The following CARD8 variants were observed in gnomAD, a reference collection of about 807,000 sequenced individuals.
The protein encoded by CARD8 is caspase recruitment domain-containing protein 8.
Under a neutral mutation model 53.2 loss-of-function variants are expected in CARD8, and 38 were observed. The ratio of observed to expected loss-of-function variants is 0.71; its 90% CI spans 0.55 to 0.94. CARD8 has a LOEUF of 0.94. CARD8 is among the 40% of genes least tolerant of loss of function. CARD8 has a pLI of 0.00. For missense variants in CARD8, 561 were observed against 655.5 expected, an observed-to-expected ratio of 0.86 and a Z score of 1.57; for synonymous variants, 245 against 244.9, an observed-to-expected ratio of 1.00 and a Z score of 0.00.
rs1023865382 is a variant in CARD8, at chr19:48,224,287, A to G, written c.1036-2432T>C. ...TTCATAGCAGCCACATTTTTTAAAAACAGCAAAGAGAGGCAGATGAAATGG... is the reference window on the plus strand; with the variant it reads ...TTCATAGCAGCCACATTTTTTAAAAGCAGCAAAGAGAGGCAGATGAAATGG... On this transcript the variant is annotated intron_variant, in intron 10 of 13. Transcript: ENST00000651546. Among the ~76,000 whole-genome samples, 3 of 152,140 alleles carry G rather than the reference A, an allele frequency of 2.0e-5. No homozygotes were observed. In the South Asian group the frequency reaches 6.2e-4, roughly 32 times the overall value.
intron 3 of CARD8, among the ~76,000 whole-genome samples, chr19:48,244,883 A>G (rs1160790070): frequency 1.4e-5 from 2 of 138,018 alleles, no homozygotes; most frequent in Non-Finnish European, 2.9e-5. Context: ...TCTTGGGGGG[A>G]AAAAAACTCC....
At chr19:48,216,799 T>C (rs2039399386) in intron 12 of CARD8, among the ~76,000 whole-genome samples, 1 of 152,194 alleles carries the variant, frequency 6.6e-6, no homozygotes, top group Non-Finnish European at 1.5e-5. Context: ...GACAATTTTT[T>C]CCACGGACTG....
chr19:48,232,850 G>C (rs1051017036), intron 6 of CARD8: 5 of 466,224 alleles, frequency 1.1e-5, no homozygotes, highest in Non-Finnish European at 2.1e-5. Context: ...ATAAATAATA[G>C]AGATAACACA....
chr19:48,238,158 T>G, intron 5 of CARD8: 31 of 649,550 alleles, frequency 4.8e-5, no homozygotes, highest in Non-Finnish European at 7.0e-5. Context: ...CCCAGTGTGC[T>G]GAGATTACAG....
intron 12 of CARD8, 145 bp from the exon 13 acceptor site, chr19:48,215,529 G>A: frequency 3.4e-6 from 2 of 585,536 alleles, no homozygotes; most frequent in Non-Finnish European, 3.1e-6. Flanking sequence ...ATACACTGAG[G>A]AAACCCCATT....
intron 5 of CARD8, among the ~76,000 whole-genome samples, chr19:48,235,105 A>G (rs1198479698): frequency 5.5e-4 from 84 of 152,264 alleles, no homozygotes; most frequent in Non-Finnish European, 3.5e-4. Flanking sequence ...GAAAAAGAAA[A>G]TTATGGATAT....
chr19:48,212,763 C>A (rs2038283637), intron 13 of CARD8, among the ~76,000 whole-genome samples: 1 of 152,200 alleles, frequency 6.6e-6, no homozygotes, highest in East Asian at 1.9e-4. Context: ...CTGCAGTCAC[C>A]ACCTACAGAG....
At chr19:48,237,844 G>T (rs568452094) in intron 5 of CARD8, among the ~76,000 whole-genome samples, 54 of 151,926 alleles carry the variant, frequency 3.6e-4, no homozygotes, top group Non-Finnish European at 6.2e-4. Flanking sequence ...CTTGGTGAAG[G>T]CTACATGGGA....
intron 3 of CARD8, among the ~76,000 whole-genome samples, chr19:48,248,475 T>A (rs2046463462): frequency 6.6e-6 from 1 of 152,118 alleles, no homozygotes; most frequent in Non-Finnish European, 1.5e-5. Flanking sequence ...AAAACACAAA[T>A]GTCCTGAAAA....
intron 4 of CARD8, among the ~76,000 whole-genome samples, chr19:48,238,995 G>C (rs145955876): frequency 9.9e-5 from 15 of 152,282 alleles, no homozygotes; most frequent in Non-Finnish European, 1.3e-4. Flanking sequence ...TGTCACACTT[G>C]GTGATGCTCG....
intron 1 of CARD8, among the ~76,000 whole-genome samples, chr19:48,253,211 C>A (rs1388687122): frequency 6.6e-6 from 1 of 152,020 alleles, no homozygotes; most frequent in Admixed American, 6.6e-5. Flanking sequence ...CAGGGAGCTG[C>A]AGTGACTGGG....
intron 3 of CARD8, among the ~76,000 whole-genome samples, chr19:48,243,446 A>T (rs1252050636): frequency 6.6e-6 from 1 of 152,232 alleles, no homozygotes; most frequent in African/African-American, 2.4e-5. Context: ...AACTAAACAA[A>T]TATTTCTATC....
In CARD8 at chr19:48,210,159, T is replaced by C. The variant is rs1433200986; in HGVS notation, c.*1551A>G. On this transcript the variant is annotated 3_prime_UTR_variant, in exon 14 of 14. Transcript: ENST00000651546. ...ACATACAGGGAAACAACAATTTGAA[T>C]GACTGCAGATTTCTCATCAGGAAAT... The C allele has an allele frequency of 3.3e-5, 5 of 152,132 alleles. No homozygotes were observed. Among genetic ancestry groups the C allele is most frequent in the African/African-American group, 1.2e-4 (5 of 41,440 alleles). 9.4% of individuals were successfully genotyped at this position (152,132 alleles called of 1,614,324 possible).
intron 6 of CARD8, chr19:48,233,401 G>T (rs573503983): frequency 2.2e-6 from 1 of 456,128 alleles, no homozygotes; most frequent in South Asian, 1.5e-5. Flanking sequence ...AAAAGAACAG[G>T]TACCTAGAGA....
intron 11 of CARD8, among the ~76,000 whole-genome samples, chr19:48,220,722 G>A (rs550321528): frequency 2.3e-4 from 35 of 152,074 alleles, no homozygotes; most frequent in African/African-American, 8.2e-4. Context: ...GACCAGCCTG[G>A]CCAACATGGT....
intron 3 of CARD8, among the ~76,000 whole-genome samples, chr19:48,244,796 A>G (rs980591541): frequency 6.6e-6 from 1 of 152,216 alleles, no homozygotes; most frequent in Non-Finnish European, 1.5e-5. Context: ...AAGACCAGGA[A>G]GTTGTTGTTT....
rs61047810 is a variant in CARD8, at chr19:48,208,983, CAAAAAAAAAAAAAA to C, written c.*2713_*2726del. 3 of 48,136 alleles carry C rather than the reference CAAAAAAAAAAAAAA, an allele frequency of 6.2e-5. No homozygotes were observed. Among genetic ancestry groups the C allele is most frequent in the East Asian group, 1.4e-3 (2 of 1,458 alleles). The allele number at this position is 48,136 out of a possible 1,614,324, so 3.0% of individuals were successfully genotyped here. A position where few individuals can be genotyped will look rare whatever the true frequency, so the allele number is the denominator to read the frequency against. ...TAGATGACAGAGCGAGACTCCATCT[CAAAAAAAAAAAAAA>C]AAAAAAAAAAATACTCAAATGTGCC... On this transcript the variant is annotated 3_prime_UTR_variant, in exon 14 of 14. Coordinates refer to ENST00000651546, the MANE Select transcript of CARD8 (RefSeq NM_001184900.3).
chr19:48,222,705 AT>A (rs1271741400), intron 10 of CARD8, among the ~76,000 whole-genome samples: 1 of 151,786 alleles, frequency 6.6e-6, no homozygotes. Context: ...AAAAAAAAAA[AT>A]CTATCTGAGC....
chr19:48,245,632 A>C (rs908991001), intron 3 of CARD8, among the ~76,000 whole-genome samples: 20 of 151,464 alleles, frequency 1.3e-4, no homozygotes, highest in African/African-American at 4.8e-4. Flanking sequence ...TAAACTATAC[A>C]AAAAAACTAC....
Sources: gnomAD v4.1 joint callset for allele counts (sites outside exome capture counted in the v4.1 genomes callset) on GRCh38, gnomAD v4.1.1 for gene constraint, MANE v1.5 for transcripts, NCBI Gene and HGNC (gene_info 2026-07-23, HGNC 2026-07-21) for gene names.